TENM1: variants seen among roughly 807,000 people sequenced by gnomAD.
TENM1 encodes the protein teneurin-1.
In TENM1, 35 loss-of-function variants were observed where a neutral mutation model predicts 174.8. The ratio of observed to expected loss-of-function variants is 0.20; its 90% CI spans 0.15 to 0.27. The LOEUF is 0.27. TENM1 is among the 10% of genes least tolerant of loss of function. The pLI is 1.00. For synonymous variants in TENM1, 781 were observed against 798.7 expected (o/e 0.98, Z 0.37); for missense variants, 1,633 against 2,130.1 (o/e 0.77, Z 4.59).
At chrX:124,814,602 G>A (rs2055857187) in intron 3 of TENM1, among the ~76,000 whole-genome samples, 1 of 111,012 alleles carries the variant, frequency 9.0e-6, no homozygotes, top group Admixed American at 9.7e-5. Flanking sequence ...GTTGCTCCCT[G>A]TTGTTGCTTA....
At chrX:124,995,599 T>C in the TENM1 span, among the ~76,000 whole-genome samples, 11 of 111,490 alleles carry the variant, frequency 9.9e-5, no homozygotes, top group East Asian at 3.1e-3. Flanking sequence ...ATGCTACACG[T>C]ATGCATCGAA....
chrX:125,110,610 C>T, the TENM1 span, among the ~76,000 whole-genome samples: 1 of 109,925 alleles, frequency 9.1e-6, no homozygotes, highest in Non-Finnish European at 1.9e-5. Context: ...CTTCTGGGTC[C>T]TCACTGACAG....
At position 124,420,581 on chromosome X, in the gene TENM1, T is replaced by C. The variant is rs752851745; in HGVS notation, c.4712A>G (p.Tyr1571Cys). Residue 1571 changes from tyrosine to cysteine, a missense_variant, in exon 25 of 32, where the codon TAT becomes TGT. Around this residue, in one of 4 missense-constraint regions of TENM1, gnomAD observed 807 missense variants for 1,125.3 expected, o/e 0.72. Coordinates refer to ENST00000422452, the Ensembl canonical transcript of TENM1. ...AGAATTGTAGGTGAAGTTATAAACATAGTCCCTTGTTATCAAGTTCAGGGT... is the reference window on the plus strand; with the variant it reads ...AGAATTGTAGGTGAAGTTATAAACACAGTCCCTTGTTATCAAGTTCAGGGT... The C allele has an allele frequency of 3.9e-5, 47 of 1,211,014 alleles. No homozygotes were observed. Among genetic ancestry groups the C allele is most frequent in the Middle Eastern group, 2.3e-4 (1 of 4,289 alleles).
chrX:124,452,007 C>T (rs753105111), intron 23 of TENM1, among the ~76,000 whole-genome samples: 1 of 111,847 alleles, frequency 8.9e-6, no homozygotes, highest in African/African-American at 3.3e-5. Flanking sequence ...GCAACAAAAG[C>T]CAAAATTGAC....
At chrX:125,071,106 G>A in the TENM1 span, among the ~76,000 whole-genome samples, 4 of 111,441 alleles carry the variant, frequency 3.6e-5, no homozygotes, top group African/African-American at 1.3e-4. Context: ...TCTGGATACT[G>A]TCATGTAGCC....
At chrX:124,882,571 T>C (rs926665719) in intron 3 of TENM1, among the ~76,000 whole-genome samples, 1 of 112,293 alleles carries the variant, frequency 8.9e-6, no homozygotes, top group Non-Finnish European at 1.9e-5. Context: ...ATTGGCGGCA[T>C]ATATGTTTAG....
At chrX:124,404,335 G>A (rs7055785) in intron 27 of TENM1, among the ~76,000 whole-genome samples, 18,006 of 110,452 alleles carry the variant, frequency 0.16, 1,113 homozygotes, top group Middle Eastern at 0.23. Flanking sequence ...TCAAGAGGAG[G>A]CAGGTAGACA....
chrX:124,622,377 G>C (rs1189371293), intron 11 of TENM1, among the ~76,000 whole-genome samples: 3 of 112,168 alleles, frequency 2.7e-5, no homozygotes, highest in African/African-American at 9.7e-5. Context: ...CGCTCACAAG[G>C]TCAAGTCTTG....
At chrX:124,978,820 A>G in the TENM1 span, among the ~76,000 whole-genome samples, 1 of 111,974 alleles carries the variant, frequency 8.9e-6, no homozygotes, top group Non-Finnish European at 1.9e-5. Context: ...TATTATCCAC[A>G]GGGCTTTTCA....
chrX:125,032,086 G>A, the TENM1 span, among the ~76,000 whole-genome samples: 1 of 111,114 alleles, frequency 9.0e-6, no homozygotes, highest in Non-Finnish European at 1.9e-5. Flanking sequence ...GTGGTAGAGT[G>A]AGCAAGACAG....
the TENM1 span, among the ~76,000 whole-genome samples, chrX:125,015,198 T>C: frequency 9.0e-6 from 1 of 111,446 alleles, no homozygotes; most frequent in Non-Finnish European, 1.9e-5. Flanking sequence ...AACCTAGGGT[T>C]GCCAGATTTA....
the TENM1 span, among the ~76,000 whole-genome samples, chrX:125,137,465 A>G: frequency 9.1e-6 from 1 of 110,248 alleles, no homozygotes; most frequent in Non-Finnish European, 1.9e-5. Flanking sequence ...GGAAGGAATT[A>G]AATAAATGGT....
chrX:124,408,037 G>A (rs1279180468), intron 25 of TENM1, among the ~76,000 whole-genome samples: 1 of 112,025 alleles, frequency 8.9e-6, no homozygotes, highest in Non-Finnish European at 1.9e-5. Context: ...ACAAGAAGCA[G>A]AAGAACGGAG....
the TENM1 span, among the ~76,000 whole-genome samples, chrX:125,064,889 C>A: frequency 9.0e-6 from 1 of 111,594 alleles, no homozygotes; most frequent in Admixed American, 9.5e-5. Flanking sequence ...ACAGCCAACA[C>A]CATAGACGTC....
the TENM1 span, among the ~76,000 whole-genome samples, chrX:125,061,502 T>C: frequency 6.2e-5 from 7 of 112,161 alleles, no homozygotes; most frequent in Admixed American, 6.6e-4. Context: ...ACCGTACTCT[T>C]CAGAACCTTA....
the TENM1 span, among the ~76,000 whole-genome samples, chrX:125,199,267 G>A: frequency 6.3e-5 from 7 of 111,237 alleles, no homozygotes; most frequent in Non-Finnish European, 1.1e-4. Flanking sequence ...CACATATTTG[G>A]GTGTCACCTA....
At chrX:124,730,752 G>A (rs1217280869) in intron 4 of TENM1, among the ~76,000 whole-genome samples, 1 of 111,906 alleles carries the variant, frequency 8.9e-6, no homozygotes, top group Non-Finnish European at 1.9e-5. Flanking sequence ...TAAGAAACTT[G>A]CCTCTCTGAC....
chrX:124,664,534 A>G (rs1360096554), intron 6 of TENM1, among the ~76,000 whole-genome samples: 1 of 82,473 alleles, frequency 1.2e-5, no homozygotes, highest in African/African-American at 5.9e-5. Context: ...AAGCAAAAGA[A>G]AAAAAAAAAA....
chrX:124,431,497 T>C (rs2060778439), intron 23 of TENM1, among the ~76,000 whole-genome samples: 1 of 112,122 alleles, frequency 8.9e-6, no homozygotes, highest in Non-Finnish European at 1.9e-5. Context: ...GCCAGCTCCA[T>C]GTTAGATTTT....
Sources: allele counts gnomAD v4.1 joint callset (sites outside exome capture counted in the v4.1 genomes callset), GRCh38; gene constraint gnomAD v4.1.1; regional missense constraint gnomAD v4.1.1; transcripts MANE v1.5; gene names NCBI Gene and HGNC (gene_info 2026-07-23, HGNC 2026-07-21).